FZD6: variants seen among roughly 807,000 people sequenced by gnomAD.
FZD6 encodes frizzled-6.
A neutral mutation model predicts 61.4 loss-of-function variants in FZD6; 49 were observed. The ratio of observed to expected loss-of-function variants is 0.80; its 90% CI spans 0.63 to 1.01. The LOEUF (loss-of-function observed/expected upper bound fraction) is 1.01, where lower values mean the gene tolerates loss of function less well. Among genes scored for constraint, FZD6 ranks in the 50% least tolerant of loss-of-function variants. The pLI is 0.00. For synonymous variants in FZD6, 265 were observed against 292.2 expected (o/e 0.91, Z 0.95); for missense variants, 724 against 848.2 (o/e 0.85, Z 1.82).
chr8:103,306,696 G>A (rs1408355970), intron 2 of FZD6, among the ~76,000 whole-genome samples: 1 of 151,370 alleles, frequency 6.6e-6, no homozygotes, highest in South Asian at 2.1e-4. Context: ...TAGTAGAGAC[G>A]GGGTTTAACC....
intron 2 of FZD6, among the ~76,000 whole-genome samples, chr8:103,310,631 C>T (rs145130286): frequency 1.3e-5 from 2 of 152,204 alleles, no homozygotes; most frequent in East Asian, 3.9e-4. Flanking sequence ...CTTCCTAAAC[C>T]AAGCAGTACC....
chr8:103,299,316 G>T (rs771410381), intron 1 of FZD6, among the ~76,000 whole-genome samples: 11 of 152,228 alleles, frequency 7.2e-5, no homozygotes, highest in Non-Finnish European at 1.6e-4. Context: ...CGTAATCCGG[G>T]GCCTACAGCC....
At chr8:103,327,324 G>A (rs913208851) in intron 4 of FZD6, among the ~76,000 whole-genome samples, 2 of 152,358 alleles carry the variant, frequency 1.3e-5, no homozygotes, top group Admixed American at 6.5e-5. Context: ...GCCGGGTGCG[G>A]TGGCTTACGC....
chr8:103,310,316 C>T (rs2130287448), intron 2 of FZD6, among the ~76,000 whole-genome samples: 1 of 152,246 alleles, frequency 6.6e-6, no homozygotes, highest in East Asian at 1.9e-4. Context: ...GTTGCCTGGG[C>T]TGGAGTGCAG....
intron 2 of FZD6, among the ~76,000 whole-genome samples, chr8:103,303,200 C>T (rs976697805): frequency 6.6e-6 from 1 of 152,188 alleles, no homozygotes; most frequent in Non-Finnish European, 1.5e-5. Flanking sequence ...TCCCACATTG[C>T]ACACTCTGCT....
intron 3 of FZD6, among the ~76,000 whole-genome samples, chr8:103,319,830 T>C (rs1343598623): frequency 2.0e-5 from 3 of 152,122 alleles, no homozygotes; most frequent in Non-Finnish European, 2.9e-5. Context: ...AAAGGACAGA[T>C]CACAGTAGGT....
intron 2 of FZD6, 32 bp downstream of exon 2, chr8:103,300,316 T>A: frequency 7.2e-7 from 1 of 1,391,964 alleles, no homozygotes; most frequent in Non-Finnish European, 1.0e-6. Flanking sequence ...TATTGAATAG[T>A]AGTTTATGCT....
At chr8:103,330,152 T>G in intron 6 of FZD6, 87 bp downstream of exon 6, 1 of 1,205,574 alleles carries the variant, frequency 8.3e-7, no homozygotes, top group East Asian at 2.4e-5. Flanking sequence ...TTGGAAAGCA[T>G]TTTGTGATAT....
intron 1 of FZD6, among the ~76,000 whole-genome samples, chr8:103,299,311 T>G (rs989161354): frequency 1.3e-5 from 2 of 152,200 alleles, no homozygotes; most frequent in Non-Finnish European, 2.9e-5. Flanking sequence ...TAATTCGTAA[T>G]CCGGGGCCTA....
rs1563682552 is a variant in FZD6 at position 103,300,133 on chromosome 8, C to CATT, written c.26_27insATT (p.Thr9_Cys10insLeu). The CATT allele has an allele frequency of 6.2e-7, 1 of 1,600,108 alleles. No individual in the cohort carries two copies. The highest frequency in any genetic ancestry group is 8.6e-7 in the Non-Finnish European group (1 of 1,167,246). On this transcript the variant is annotated inframe_insertion, in exon 2 of 7. Transcript: ENST00000358755. The stretch of plus-strand genomic sequence containing the variant: ...ATGGAAATGTTTACATTTTTGTTGA[C>CATT]GTGTATTTTTCTACCCCTCCTAAGA...
At chr8:103,304,709 G>C (rs1814281053) in intron 2 of FZD6, among the ~76,000 whole-genome samples, 1 of 152,204 alleles carries the variant, frequency 6.6e-6, no homozygotes, top group African/African-American at 2.4e-5. Flanking sequence ...TGGCCCAGGG[G>C]CTACAGTTTG....
At position 103,318,772 on chromosome 8, in the gene FZD6, G is replaced by T. The variant is rs762230921; in HGVS notation, c.360G>T (p.Glu120Asp). The change falls in exon 3 of 7, where the codon GAG becomes GAT. Residue 120 changes from glutamate to aspartate, a missense_variant. Coordinates refer to ENST00000358755, the MANE Select transcript of FZD6 (RefSeq NM_003506.4). ...IDTFGIRWPE[E>D]LECDRLQYCD... ...CTTTTGGGATCCGATGGCCTGAGGA[G>T]CTTGAATGTGACAGGTAAACAATGT... 1.3e-6 allele frequency: 2 copies of T among 1,594,890 alleles called. No homozygotes were observed. The highest frequency in any genetic ancestry group is 2.2e-5 in the South Asian group (2 of 90,656).
chr8:103,315,981 G>T (rs1048299990), intron 2 of FZD6, among the ~76,000 whole-genome samples: 4 of 152,088 alleles, frequency 2.6e-5, no homozygotes, highest in Non-Finnish European at 5.9e-5. Context: ...AGCACTTTAG[G>T]CCGTTTCTGT....
intron 3 of FZD6, among the ~76,000 whole-genome samples, chr8:103,319,356 A>G (rs961854942): frequency 1.8e-4 from 27 of 152,194 alleles, no homozygotes; most frequent in African/African-American, 6.3e-4. Flanking sequence ...ATAAGGAAAG[A>G]GAGAGAAGCA....
Position 103,329,692 on chromosome 8 carries a change from T to C in FZD6, c.1579T>C (p.Cys527Arg), listed in dbSNP as rs756757913. 9.3e-6 allele frequency: 15 copies of C among 1,611,758 alleles called. No individual in the cohort carries two copies. In the South Asian group the frequency reaches 1.2e-4, roughly 13 times the overall value. ...AAGTCGAAGAGTACTACAGGAATCATGTGAGTTTTTCTTAAAGCACAATTC... is the reference window on the plus strand; with the variant it reads ...AAGTCGAAGAGTACTACAGGAATCACGTGAGTTTTTCTTAAAGCACAATTC... Reference protein sequence around the residue: ...SESRRVLQESCEFFLKHNSKV... With the variant: ...SESRRVLQESREFFLKHNSKV... The change falls in exon 6 of 7, where the codon TGT becomes CGT. Residue 527 changes from cysteine to arginine, a missense_variant. Coordinates refer to ENST00000358755, the MANE Select transcript of FZD6 (RefSeq NM_003506.4).
chr8:103,303,937 T>C (rs908531296), intron 2 of FZD6, among the ~76,000 whole-genome samples: 31 of 144,796 alleles, frequency 2.1e-4, no homozygotes, highest in Non-Finnish European at 4.1e-4. Flanking sequence ...TTTTTTTTTT[T>C]CAAACATTGT....
chr8:103,318,646 C>A lies in FZD6; in HGVS notation c.234C>A (p.Cys78Ter). 2.5e-6 allele frequency: 4 copies of A among 1,611,452 alleles called. No homozygotes were observed. Among genetic ancestry groups the A allele is most frequent in the Non-Finnish European group, 3.4e-6 (4 of 1,177,580 alleles). ...ECSPNIETFL[C>*]KAFVPTCIEQ... ...CACCAAACATTGAAACTTTCCTCTG[C>A]AAAGCATTTGTACCAACCTGCATAG... is the stretch of plus-strand genomic sequence containing the variant. Residue 78 changes from cysteine (C) to a stop codon, truncating the protein, a stop_gained, in exon 3 of 7, where the codon TGC (cysteine) becomes TGA (stop). Coordinates refer to ENST00000358755, the MANE Select transcript of FZD6 (RefSeq NM_003506.4). LOFTEE classifies it high-confidence loss of function.
chr8:103,310,708 T>C (rs1216201999), intron 2 of FZD6, among the ~76,000 whole-genome samples: 9 of 152,382 alleles, frequency 5.9e-5, no homozygotes, highest in African/African-American at 2.2e-4. Flanking sequence ...TCTGGTTCTC[T>C]GGCAGCAGGC....
At position 103,318,745 on chromosome 8, in the gene FZD6, C is replaced by T; in HGVS notation, c.333C>T (p.Asp111=). Residue 111 remains aspartate, a synonymous_variant, in exon 3 of 7, where the codon GAC becomes GAT. Coordinates refer to ENST00000358755, the MANE Select transcript of FZD6 (RefSeq NM_003506.4). The part of the protein sequence containing the change: ...KVYSDCKKLI[D]TFGIRWPEEL... ...ATTCTGATTGCAAAAAATTAATTGA[C>T]ACTTTTGGGATCCGATGGCCTGAGG... 6.2e-7 allele frequency: 1 copy of T among 1,611,086 alleles called. No individual in the cohort carries two copies. Among genetic ancestry groups the T allele is most frequent in the Non-Finnish European group, 8.5e-7 (1 of 1,177,322 alleles).
Sources: allele counts gnomAD v4.1 joint callset (sites outside exome capture counted in the v4.1 genomes callset), GRCh38; gene constraint gnomAD v4.1.1; transcripts MANE v1.5; gene names NCBI Gene and HGNC (gene_info 2026-07-23, HGNC 2026-07-21).